The following DYSF variants were observed in gnomAD, a reference collection of about 807,000 sequenced individuals.
DYSF encodes dystrophy-associated fer-1-like 1.
A neutral mutation model predicts 274.9 loss-of-function variants in DYSF; 212 were observed. That is an observed-to-expected ratio of 0.77 (90% CI 0.69 to 0.86). The LOEUF is 0.86. Ranked by LOEUF, DYSF falls within the 40% of genes least tolerant of loss-of-function variation. The pLI, the probability that DYSF is intolerant of heterozygous loss-of-function variation, is 0.00. For synonymous variants in DYSF, 1,091 were observed against 1,078.7 expected, an observed-to-expected ratio of 1.01 and a Z score of -0.22; for missense variants, 2,666 against 2,783.2, an observed-to-expected ratio of 0.96 and a Z score of 0.95.
chr2:71,611,297 A>G lies in DYSF; in HGVS notation c.4010A>G (p.Tyr1337Cys), dbSNP rs2093754021. ...YPPPQREANI[Y>C]MVPQNIKPAL... is the part of the protein sequence containing the mutation. ...CCACCCCAGAGGGAGGCCAACATCT[A>G]CATGGTTCCTCAGAACATCAAGCCA... Residue 1337 changes from tyrosine (Y) to cysteine (C), a missense_variant, in exon 37 of 56, where the codon TAC becomes TGC. Around this residue, in one of 3 missense-constraint regions of DYSF, gnomAD observed 1,460 missense variants for 1,502.1 expected, o/e 0.97. Transcript: ENST00000410020. The G allele has an allele frequency of 6.2e-7, 1 of 1,613,890 alleles. No homozygotes were observed. The highest frequency in any genetic ancestry group is 1.1e-5 in the South Asian group (1 of 91,088).
At chr2:71,525,369 G>A (rs1288287839) in intron 12 of DYSF, among the ~76,000 whole-genome samples, 1 of 152,138 alleles carries the variant, frequency 6.6e-6, no homozygotes, top group Non-Finnish European at 1.5e-5. Flanking sequence ...GACTACAGGT[G>A]CATGCCACCA....
In DYSF at chr2:71,681,122, G is replaced by A. The variant is rs768150515; in HGVS notation, c.6173+12G>A. The A allele has an allele frequency of 1.2e-6, 2 of 1,611,958 alleles. No individual in the cohort carries two copies. The highest frequency in any genetic ancestry group is 2.2e-5 in the South Asian group (2 of 90,862). ...CTTGAGGACCCAAGGTCAGTGCCCA[G>A]CCCCTGAGCCCCAATGCCCACAGGT... On this transcript the variant is annotated intron_variant, in intron 54 of 55. Transcript: ENST00000410020.
intron 1 of DYSF, among the ~76,000 whole-genome samples, chr2:71,458,413 G>C (rs1325650705): frequency 6.6e-6 from 1 of 152,074 alleles, no homozygotes; most frequent in African/African-American, 2.4e-5. Flanking sequence ...GTCCTGCCAG[G>C]CTGGACACAA....
intron 41 of DYSF, among the ~76,000 whole-genome samples, chr2:71,628,968 A>G (rs535522843): frequency 1.3e-5 from 2 of 151,928 alleles, no homozygotes; most frequent in Admixed American, 6.6e-5. Flanking sequence ...AAAAAAATTT[A>G]AAAAGTAAAA....
At chr2:71,484,274 A>C (rs541754353) in intron 3 of DYSF, among the ~76,000 whole-genome samples, 2 of 152,116 alleles carry the variant, frequency 1.3e-5, no homozygotes, top group South Asian at 4.1e-4. Context: ...AGCAGTCTTG[A>C]ACTCCTGACC....
In DYSF at chr2:71,553,138, C is replaced by T. The variant is rs1451872696; in HGVS notation, c.1934C>T (p.Thr645Ile). The change falls in exon 20 of 56, where the codon ACC becomes ATC. Residue 645 changes from threonine (T) to isoleucine (I), a missense_variant. Coordinates refer to ENST00000410020, the MANE Select transcript of DYSF (RefSeq NM_001130987.2). ...AACTACGGGAACAAGTTCGACATGA[C>T]CTGCCTGCCGCTGGCCTCCACCACT... Reference protein sequence around the residue: ...IGNYGNKFDMTCLPLASTTQY... With the variant: ...IGNYGNKFDMICLPLASTTQY... 3 of 1,614,098 alleles carry T rather than the reference C, an allele frequency of 1.9e-6. No individual in the cohort carries two copies. The highest frequency in any genetic ancestry group is 2.5e-6 in the Non-Finnish European group (3 of 1,180,032).
chr2:71,568,164 C>T lies in DYSF; in HGVS notation c.2698-8C>T, dbSNP rs750834351. 1 of 1,614,230 alleles carries T rather than the reference C, an allele frequency of 6.2e-7. No homozygotes were observed. The highest frequency in any genetic ancestry group is 1.3e-5 in the African/African-American group (1 of 75,058). On this transcript the variant is annotated splice_region_variant and splice_polypyrimidine_tract_variant and intron_variant, in intron 25 of 55. Transcript: ENST00000410020. Reference sequence around the variant, plus strand: ...CCTGCTCACGCCTCATTCTTCCTGGCCCTCCAGTATGAGAACGAGACTAAG... The same window carrying T: ...CCTGCTCACGCCTCATTCTTCCTGGTCCTCCAGTATGAGAACGAGACTAAG...
At chr2:71,553,225 G>C in intron 20 of DYSF, 37 bp downstream of exon 20, 2 of 1,613,206 alleles carry the variant, frequency 1.2e-6, no homozygotes, top group Non-Finnish European at 1.7e-6. Flanking sequence ...CCGATCACAG[G>C]ATCATAGAGC....
intron 30 of DYSF, among the ~76,000 whole-genome samples, chr2:71,581,476 G>C (rs71416716): frequency 6.6e-6 from 1 of 152,196 alleles, no homozygotes; most frequent in Non-Finnish European, 1.5e-5. Context: ...CTTTGGCCTG[G>C]GCTCCTGGCC....
intron 51 of DYSF, among the ~76,000 whole-genome samples, chr2:71,671,728 CAGTT>C (rs2095125691): frequency 6.6e-6 from 1 of 152,172 alleles, no homozygotes; most frequent in Non-Finnish European, 1.5e-5. Flanking sequence ...GGTTACCCGG[CAGTT>C]CTGGGGACCC....
intron 29 of DYSF, among the ~76,000 whole-genome samples, chr2:71,571,214 C>T (rs551691425): frequency 2.0e-5 from 3 of 147,944 alleles, no homozygotes; most frequent in East Asian, 4.1e-4. Flanking sequence ...CCAACACACC[C>T]ACAGTTCACA....
chr2:71,548,123 T>C (rs1393654251), intron 17 of DYSF, among the ~76,000 whole-genome samples: 3 of 152,176 alleles, frequency 2.0e-5, no homozygotes, highest in Non-Finnish European at 2.9e-5. Context: ...CCATGAACTA[T>C]GATTTTTGCA....
At chr2:71,552,944 C>T in intron 19 of DYSF, 67 bp from the exon 20 acceptor site, 9 of 1,562,440 alleles carry the variant, frequency 5.8e-6, no homozygotes, top group Non-Finnish European at 7.9e-6. Context: ...AGACGTATGT[C>T]CCCTCCCCAG....
chr2:71,683,910 A>G lies in DYSF; in HGVS notation c.6321+1233A>G, dbSNP rs141956401. ...CAGAGAGGAAGAGAGTTATAACCAC[A>G]CAGCTTTCCATGCAGTTCTAACAGC... On this transcript the variant is annotated intron_variant, in intron 55 of 55. Coordinates refer to ENST00000410020, the MANE Select transcript of DYSF (RefSeq NM_001130987.2). Among the ~76,000 whole-genome samples the G allele has an allele frequency of 2.2e-3, 184 of 84,634 alleles. 1 individual carries two copies. The highest frequency in any genetic ancestry group is 8.6e-3 in the African/African-American group (170 of 19,794). The allele number at this position is 84,634 out of a possible 152,430, so 55.5% of individuals were successfully genotyped here.
chr2:71,600,643 A>C, intron 33 of DYSF, 59 bp from the exon 34 acceptor site: 1 of 1,612,166 alleles, frequency 6.2e-7, no homozygotes, highest in Non-Finnish European at 8.5e-7. Context: ...GATCTCTCTG[A>C]GGCTCCCTAG....
rs1236355992 is a variant in DYSF at position 71,466,793 on chromosome 2, C to G, written c.-50C>G. 3.4e-6 allele frequency: 5 copies of G among 1,458,726 alleles called. No homozygotes were observed. The highest frequency in any genetic ancestry group is 4.6e-6 in the Non-Finnish European group (5 of 1,092,008). The allele number at this position is 1,458,726 out of a possible 1,614,324, so 90.4% of individuals were successfully genotyped here. A position where few individuals can be genotyped will look rare whatever the true frequency, so the allele number is the denominator to read the frequency against. ...TGGGTGGGTGCTCGGGCCCGGTGCT[C>G]CCGCTCCCGCCCTGACTGCGCGCCT... On this transcript the variant is annotated 5_prime_UTR_variant, in exon 1 of 56. Coordinates refer to ENST00000410020, the MANE Select transcript of DYSF (RefSeq NM_001130987.2).
In DYSF at chr2:71,549,401, T is replaced by C. The variant is rs1457895875; in HGVS notation, c.1577-1640T>C. On this transcript the variant is annotated intron_variant, in intron 17 of 55. Coordinates refer to ENST00000410020, the MANE Select transcript of DYSF (RefSeq NM_001130987.2). ...TCGAAAGCCTCAGACTGTACGTTGC[T>C]GTCACCTTGGGGACAACCAGGGGAG... is the stretch of plus-strand genomic sequence containing the variant. The C allele has an allele frequency of 3.1e-6, 5 of 1,611,368 alleles. No homozygotes were observed. Among genetic ancestry groups the C allele is most frequent in the Non-Finnish European group, 4.2e-6 (5 of 1,178,470 alleles).
At chr2:71,621,246 G>T (rs887665389) in intron 41 of DYSF, among the ~76,000 whole-genome samples, 2 of 152,162 alleles carry the variant, frequency 1.3e-5, no homozygotes, top group African/African-American at 4.8e-5. Context: ...CTGACCTGTG[G>T]AGGGTGGCGT....
intron 3 of DYSF, among the ~76,000 whole-genome samples, chr2:71,500,548 A>C (rs1053729665): frequency 6.6e-6 from 1 of 152,044 alleles, no homozygotes; most frequent in African/African-American, 2.4e-5. Flanking sequence ...CCAGGCTGGC[A>C]GGGGTGGGGG....
Sources: allele counts gnomAD v4.1 joint callset (sites outside exome capture counted in the v4.1 genomes callset), GRCh38; gene constraint gnomAD v4.1.1; regional missense constraint gnomAD v4.1.1; transcripts MANE v1.5; gene names NCBI Gene and HGNC (gene_info 2026-07-23, HGNC 2026-07-21).